Variants in MAN2B2 observed in about 807,000 individuals in gnomAD.
MAN2B2 encodes the protein mannosidase alpha class 2B member 2.
Under a neutral mutation model 117.1 loss-of-function variants are expected in MAN2B2, and 106 were observed. The observed-to-expected ratio is 0.90, with a 90% CI of 0.77 to 1.06. MAN2B2 has a LOEUF of 1.06. Ranked by LOEUF, MAN2B2 falls within the 50% of genes least tolerant of loss-of-function variation. MAN2B2 has a pLI of 0.00. For missense variants in MAN2B2, 1,326 were observed against 1,381.4 expected (o/e 0.96, Z 0.64); for synonymous variants, 544 against 595.1 (o/e 0.91, Z 1.25).
At position 6,609,801 on chromosome 4, in the gene MAN2B2, C is replaced by CA; in HGVS notation, c.2011dup (p.Met671AsnfsTer22). ...CTGATGCTCCCTTCTCCTCCAGGAACATGACAGCACAGAATTACACGTATG... is the reference window on the plus strand; with the variant it reads ...CTGATGCTCCCTTCTCCTCCAGGAACAATGACAGCACAGAATTACACGTATG... On this transcript the variant is annotated frameshift_variant, in exon 13 of 19. Coordinates refer to ENST00000285599, the MANE Select transcript of MAN2B2 (RefSeq NM_015274.3). LOFTEE classifies it high-confidence loss of function. 6.2e-7 allele frequency: 1 copy of CA among 1,609,644 alleles called. No homozygotes were observed. Among genetic ancestry groups the CA allele is most frequent in the Non-Finnish European group, 8.5e-7 (1 of 1,177,088 alleles).
At position 6,609,193 on chromosome 4, in the gene MAN2B2, A is replaced by G; in HGVS notation, c.1901A>G (p.Asn634Ser). The G allele has an allele frequency of 6.2e-7, 1 of 1,614,214 alleles. No homozygotes were observed. Among genetic ancestry groups the G allele is most frequent in the Non-Finnish European group, 8.5e-7 (1 of 1,180,034 alleles). Residue 634 changes from asparagine (N) to serine (S), a missense_variant, in exon 12 of 19, where the codon AAC (asparagine) becomes AGC (serine). Transcript: ENST00000285599. The stretch of plus-strand genomic sequence containing the variant: ...GTGAAACAGGGCCCCATTTCCGATA[A>G]CTACCTGTTCACACCGGGCAAGGCC... ...GDVKQGPISD[N>S]YLFTPGKAAV...
chr4:6,602,441 T>A (rs1056698802), intron 10 of MAN2B2, among the ~76,000 whole-genome samples: 9 of 152,148 alleles, frequency 5.9e-5, no homozygotes, highest in Non-Finnish European at 8.8e-5. Context: ...AGGTCTTTTT[T>A]ACGAGGGCAC....
chr4:6,588,309 C>T (rs960828407), intron 4 of MAN2B2, among the ~76,000 whole-genome samples: 5 of 152,176 alleles, frequency 3.3e-5, no homozygotes, highest in Non-Finnish European at 7.3e-5. Context: ...TCAGTGCCCC[C>T]GTATCATCTT....
rs544865640 is a variant in MAN2B2 at position 6,614,073 on chromosome 4, T to G, written c.2564-145T>G. 1.4e-5 allele frequency: 14 copies of G among 972,270 alleles called. No homozygotes were observed. In the African/African-American group the frequency reaches 2.1e-4, roughly 15 times the overall value. 60.2% of individuals were successfully genotyped at this position (972,270 alleles called of 1,614,324 possible). A position where few individuals can be genotyped will look rare whatever the true frequency, so the allele number is the denominator to read the frequency against. On this transcript the variant is annotated intron_variant, in intron 15 of 18. Coordinates refer to ENST00000285599, the MANE Select transcript of MAN2B2 (RefSeq NM_015274.3). ...CTGGGGCATTGGGAGCACAAACACTTTGGGCTGGTGCGGGGTAGGCTACCC... is the reference window on the plus strand; with the variant it reads ...CTGGGGCATTGGGAGCACAAACACTGTGGGCTGGTGCGGGGTAGGCTACCC...
intron 15 of MAN2B2, among the ~76,000 whole-genome samples, chr4:6,613,168 G>T (rs1304656707): frequency 6.6e-6 from 1 of 152,218 alleles, no homozygotes; most frequent in East Asian, 1.9e-4. Flanking sequence ...CTGGGGTATT[G>T]TAAGAAGATG....
At chr4:6,615,221 T>C (rs10049503) in intron 16 of MAN2B2, among the ~76,000 whole-genome samples, 119,259 of 151,692 alleles carry the variant, frequency 0.79, 47,160 homozygotes, top group Middle Eastern at 0.89. Flanking sequence ...CATAGGAAGA[T>C]CCTGTGTCTA....
chr4:6,606,766 G>A (rs532795794), intron 11 of MAN2B2, among the ~76,000 whole-genome samples: 56 of 152,314 alleles, frequency 3.7e-4, no homozygotes, highest in African/African-American at 1.1e-3. Flanking sequence ...ATCGGGAGAC[G>A]ACACCTGGGG....
In MAN2B2 at chr4:6,597,162, G is replaced by A. The variant is rs778357665; in HGVS notation, c.1107G>A (p.Lys369=). The stretch of plus-strand genomic sequence containing the variant: ...TCTACACGTCCCGCAGCTCACTGAA[G>A]GGGCTGGCCCGGCGAGCCAGCGCCT... The part of the protein sequence containing the change: ...TGFYTSRSSL[K]GLARRASALL... Residue 369 remains lysine, a synonymous_variant, in exon 8 of 19, where the codon AAG becomes AAA. Transcript: ENST00000285599. The A allele has an allele frequency of 3.7e-6, 6 of 1,613,066 alleles. No homozygotes were observed. The African/African-American group carries it at 6.7e-5, about 18-fold the overall frequency.
chr4:6,594,841 G>C (rs2108743991), intron 7 of MAN2B2, 109 bp downstream of exon 7: 3 of 1,190,818 alleles, frequency 2.5e-6, no homozygotes, highest in South Asian at 2.8e-5. Flanking sequence ...AAGCCCTGGA[G>C]GGGTTCCAGG....
At position 6,606,841 on chromosome 4, in the gene MAN2B2, AGGCCT is replaced by A. The variant is rs545059748; in HGVS notation, c.1814+1515_1814+1519del. Reference sequence around the variant, plus strand: ...CATAGGAAGGAGACAGCCTGTGCAGAGGCCTGGGGTGGGAAGCCAAGGGTGCAGAC... The same window carrying A: ...CATAGGAAGGAGACAGCCTGTGCAGAGGGGTGGGAAGCCAAGGGTGCAGAC... On this transcript the variant is annotated intron_variant, in intron 11 of 18. Coordinates refer to ENST00000285599, the MANE Select transcript of MAN2B2 (RefSeq NM_015274.3). Among the ~76,000 whole-genome samples, 193 of 152,330 alleles carry A rather than the reference AGGCCT, an allele frequency of 1.3e-3. 1 individual carries two copies. Among genetic ancestry groups the A allele is most frequent in the Middle Eastern group, 3.4e-3 (1 of 294 alleles).
Position 6,587,086 on chromosome 4 carries a change from C to A in MAN2B2, c.482C>A (p.Thr161Asn). Residue 161 changes from threonine (T) to asparagine (N), a missense_variant, in exon 4 of 19, where the codon ACC becomes AAC. Thr to Asn is a moderately conservative substitution (Grantham distance 65). Coordinates refer to ENST00000285599, the MANE Select transcript of MAN2B2 (RefSeq NM_015274.3). ...TTTGGCGCCTCTGCCACGACGCCCA[C>A]CCTATTTGCGCTGGCGGGCTTCAAT... ...DPFGASATTPTLFALAGFNAH... is the reference protein window; with the variant it reads ...DPFGASATTPNLFALAGFNAH... 1.9e-6 allele frequency: 3 copies of A among 1,614,062 alleles called. No individual in the cohort carries two copies. Among genetic ancestry groups the A allele is most frequent in the Non-Finnish European group, 2.5e-6 (3 of 1,180,028 alleles).
chr4:6,580,293 C>G (rs1161615800), intron 3 of MAN2B2, among the ~76,000 whole-genome samples: 1 of 152,174 alleles, frequency 6.6e-6, no homozygotes, highest in African/African-American at 2.4e-5. Flanking sequence ...CCCACAGGCC[C>G]AGAGGTAACA....
At chr4:6,584,737 A>G (rs1400617726) in intron 3 of MAN2B2, among the ~76,000 whole-genome samples, 5 of 152,200 alleles carry the variant, frequency 3.3e-5, no homozygotes, top group African/African-American at 1.2e-4. Flanking sequence ...ATGGCCTCCC[A>G]GTTCATTACT....
Position 6,610,005 on chromosome 4 carries a change from G to A in MAN2B2, c.2214G>A (p.Met738Ile), listed in dbSNP as rs766675563. ...VIYSDNNGYQ[M>I]QRRPYVSYVN... is the part of the protein sequence containing the mutation. ...ACTCAGACAACAACGGCTACCAGATGCAGCGGAGGCCCTACGTTTCCTATG... is the reference window on the plus strand; with the variant it reads ...ACTCAGACAACAACGGCTACCAGATACAGCGGAGGCCCTACGTTTCCTATG... The change falls in exon 13 of 19, where the codon ATG becomes ATA. Residue 738 changes from methionine to isoleucine, a missense_variant. By Grantham distance (10) the Met-to-Ile change is conservative. Coordinates refer to ENST00000285599, the MANE Select transcript of MAN2B2 (RefSeq NM_015274.3). 6.8e-6 allele frequency: 11 copies of A among 1,614,178 alleles called. No homozygotes were observed. The Admixed American group carries it at 1.8e-4, about 27-fold the overall frequency.
chr4:6,611,400 C>A, intron 15 of MAN2B2, 122 bp downstream of exon 15: 1 of 982,904 alleles, frequency 1.0e-6, no homozygotes, highest in Non-Finnish European at 1.5e-6. Flanking sequence ...GAAGCGACCT[C>A]AGGGACCTCT....
intron 15 of MAN2B2, among the ~76,000 whole-genome samples, chr4:6,612,367 A>C (rs1475302214): frequency 6.6e-6 from 1 of 152,074 alleles, no homozygotes. Flanking sequence ...GGTGTAGAGG[A>C]GTGTGAGACC....
intron 5 of MAN2B2, among the ~76,000 whole-genome samples, chr4:6,589,745 T>G (rs1726784723): frequency 6.6e-6 from 1 of 152,192 alleles, no homozygotes; most frequent in African/African-American, 2.4e-5. Flanking sequence ...TCTGAATTGC[T>G]TCTTGTTATG....
intron 11 of MAN2B2, among the ~76,000 whole-genome samples, chr4:6,608,602 G>A (rs573330415): frequency 2.6e-5 from 4 of 152,300 alleles, no homozygotes; most frequent in Admixed American, 2.0e-4. Flanking sequence ...TGTGATCTTG[G>A]GTACATGATG....
intron 16 of MAN2B2, 96 bp downstream of exon 16, chr4:6,614,451 T>C: frequency 1.4e-6 from 2 of 1,424,388 alleles, no homozygotes; most frequent in Non-Finnish European, 1.9e-6. Flanking sequence ...ACCTTAGAGC[T>C]ATCATGGCTC....
Sources: gnomAD v4.1 joint callset for allele counts (sites outside exome capture counted in the v4.1 genomes callset) on GRCh38, gnomAD v4.1.1 for gene constraint, MANE v1.5 for transcripts, NCBI Gene and HGNC (gene_info 2026-07-23, HGNC 2026-07-21) for gene names.